Variants in CCDC18 observed in about 807,000 individuals in gnomAD.
CCDC18 encodes the protein coiled-coil domain-containing protein 18.
CCDC18 carries 157 observed loss-of-function variants against 196.0 expected under a neutral mutation model. The ratio of observed to expected loss-of-function variants is 0.80; its 90% confidence interval spans 0.70 to 0.91. CCDC18 has a LOEUF of 0.91. CCDC18 is among the 40% of genes least tolerant of loss of function. The pLI is 0.00. For synonymous variants in CCDC18, 482 were observed against 529.2 expected, an observed-to-expected ratio of 0.91 and a Z score of 1.22; for missense variants, 1,465 against 1,611.6, an observed-to-expected ratio of 0.91 and a Z score of 1.56.
At chr1:93,180,676 C>T (rs745437717), upstream of CCDC18, 1 of 1,335,498 alleles carries the variant, frequency 7.5e-7, no homozygotes, top group Non-Finnish European at 9.9e-7. Context: ...CAGTCTGCGC[C>T]GGGGCGGGGC....
chr1:93,196,951 T>C (rs1466074801), intron 6 of CCDC18, among the ~76,000 whole-genome samples: 1 of 152,186 alleles, frequency 6.6e-6, no homozygotes, highest in East Asian at 1.9e-4. Flanking sequence ...TCATTGACCA[T>C]TGAATAAATT....
intron 16 of CCDC18, among the ~76,000 whole-genome samples, chr1:93,224,928 A>C (rs1658045342): frequency 6.6e-6 from 1 of 152,234 alleles, no homozygotes. Context: ...ATTTTCATAA[A>C]ACAAATGTTA....
intron 21 of CCDC18, among the ~76,000 whole-genome samples, chr1:93,245,669 G>A (rs184429348): frequency 6.6e-6 from 1 of 152,162 alleles, no homozygotes; most frequent in Admixed American, 6.5e-5. Context: ...GCATCGTTTT[G>A]AGTAACATCC....
rs200216394 is a variant in CCDC18 at position 93,246,176 on chromosome 1, A to G, written c.3053A>G (p.Asn1018Ser). The G allele has an allele frequency of 1.3e-4, 213 of 1,605,142 alleles. No individual in the cohort carries two copies. The highest frequency in any genetic ancestry group is 2.0e-4 in the Admixed American group (12 of 58,640). Residue 1018 changes from asparagine to serine, a missense_variant, in exon 22 of 29, where the codon AAT (asparagine) becomes AGT (serine). Asn to Ser is a conservative substitution (Grantham distance 46, BLOSUM62 1). Coordinates refer to ENST00000690025, the MANE Select transcript of CCDC18 (RefSeq NM_001378204.1). ...LEMDQALKER[N>S]WELKQRAAQV... ...ATGGATCAGGCACTTAAAGAGAGAA[A>G]TTGGGAACTAAAGCAAAGAGCAGCT... is the stretch of plus-strand genomic sequence containing the variant.
intron 28 of CCDC18, chr1:93,273,480 G>T (rs1665467327): frequency 6.6e-6 from 1 of 152,230 alleles, no homozygotes; most frequent in South Asian, 2.1e-4. Flanking sequence ...TTACTTTGGA[G>T]AGTAGGAAAG....
In CCDC18 at chr1:93,270,834, T is replaced by G; in HGVS notation, c.4353+20T>G. ...AATCAGGTATGTATTTTATACACTG[T>G]AAACTGTAATAATTTGTTTCCAAAG... On this transcript the variant is annotated intron_variant, in intron 28 of 28. Transcript: ENST00000690025. 7.2e-7 allele frequency: 1 copy of G among 1,395,790 alleles called. No individual in the cohort carries two copies. The highest frequency in any genetic ancestry group is 1.8e-5 in the South Asian group (1 of 55,780). 86.5% of individuals were successfully genotyped at this position (1,395,790 alleles called of 1,614,324 possible).
intron 4 of CCDC18, among the ~76,000 whole-genome samples, chr1:93,186,924 G>A (rs1227592024): frequency 6.6e-6 from 1 of 151,936 alleles, no homozygotes; most frequent in African/African-American, 2.4e-5. Flanking sequence ...AATCCAGACT[G>A]TTTTAAATAG....
chr1:93,237,444 A>G (rs1422440271), intron 19 of CCDC18, among the ~76,000 whole-genome samples: 6 of 152,080 alleles, frequency 3.9e-5, no homozygotes, highest in African/African-American at 1.2e-4. Context: ...TCTTTCTCCA[A>G]CCCCATCCCA....
intron 23 of CCDC18, among the ~76,000 whole-genome samples, chr1:93,248,160 G>A (rs1049885915): frequency 6.6e-6 from 1 of 151,738 alleles, no homozygotes; most frequent in East Asian, 1.9e-4. Flanking sequence ...GATTACAGGT[G>A]CCCACCACCA....
rs189196277 is a variant in CCDC18, at chr1:93,220,282, C to T, written c.1963-1327C>T. 2.2e-4 allele frequency among the ~76,000 whole-genome samples: 33 copies of T among 152,026 alleles called. 1 individual carries two copies. Among genetic ancestry groups the T allele is most frequent in the Admixed American group, 1.9e-3 (29 of 15,278 alleles). On this transcript the variant is annotated intron_variant, in intron 14 of 28. Transcript: ENST00000690025. ...AACTGTCATTCTATTTTATATCCAA[C>T]AAAAATACTCTCTAGGAATGAAGGT...
At chr1:93,271,183 G>A (rs747121489) in intron 28 of CCDC18, 229 of 985,218 alleles carry the variant, frequency 2.3e-4, no homozygotes, top group Non-Finnish European at 2.7e-4. Flanking sequence ...TCATAACTTC[G>A]TCATAATTTA....
At chr1:93,262,394 A>G (rs1474176572) in intron 26 of CCDC18, 1 of 152,250 alleles carries the variant, frequency 6.6e-6, no homozygotes, top group Non-Finnish European at 1.5e-5. Context: ...GTTACTTCCA[A>G]GATACAATGG....
intron 9 of CCDC18, 32 bp downstream of exon 9, chr1:93,207,430 A>C (rs750642033): frequency 1.4e-6 from 2 of 1,472,316 alleles, no homozygotes; most frequent in Admixed American, 2.3e-5. Context: ...ATGGAAAAGA[A>C]GAATTTTACT....
rs765126830 is a variant in CCDC18 at position 93,232,508 on chromosome 1, C to G, written c.2375C>G (p.Thr792Ser). 1 of 1,612,390 alleles carries G rather than the reference C, an allele frequency of 6.2e-7. No homozygotes were observed. Among genetic ancestry groups the G allele is most frequent in the South Asian group, 1.1e-5 (1 of 90,992 alleles). ...TSEQNVILQH[T>S]LQQQQQMLQQ... ...GAGCAAAACGTTATTCTACAGCATA[C>G]TCTTCAGCAACAGCAGCAAATGTTA... is the stretch of plus-strand genomic sequence containing the variant. The change falls in exon 18 of 29, where the codon ACT becomes AGT. Residue 792 changes from threonine (T) to serine (S), a missense_variant. Thr to Ser is a moderately conservative substitution (Grantham distance 58, BLOSUM62 1). Transcript: ENST00000690025.
rs200099633 is a variant in CCDC18 at position 93,207,388 on chromosome 1, C to G, written c.1199C>G (p.Ser400Cys). 1.9e-6 allele frequency: 3 copies of G among 1,587,936 alleles called. No homozygotes were observed. In the Admixed American group the frequency reaches 5.3e-5, roughly 28 times the overall value. The change falls in exon 9 of 29, where the codon TCC becomes TGC. Residue 400 changes from serine (S) to cysteine (C), a missense_variant. By Grantham distance (112) the Ser-to-Cys change is moderately radical. Coordinates refer to ENST00000690025, the MANE Select transcript of CCDC18 (RefSeq NM_001378204.1). The stretch of plus-strand genomic sequence containing the variant: ...CTAAGAAGTTTGGAAAAGATTATAT[C>G]CCAGTTGCCAGTAAGTATGTGTGAT... ...VELRSLEKII[S>C]QLPLKRELFG... is the part of the protein sequence containing the mutation.
intron 21 of CCDC18, among the ~76,000 whole-genome samples, chr1:93,244,709 A>G (rs747377770): frequency 4.6e-5 from 7 of 152,186 alleles, no homozygotes; most frequent in Non-Finnish European, 7.3e-5. Flanking sequence ...TTAAAATGGT[A>G]AATTTTATAT....
chr1:93,184,075 T>C lies in CCDC18; in HGVS notation c.232T>C (p.Tyr78His). ...GCCTAGCCACCCTGGACTTTTGAAT[T>C]ATTCACCTTATGAAAACGTCTGTAA... ...VQPSHPGLLNYSPYENVCKIS... is the reference protein window; with the variant it reads ...VQPSHPGLLNHSPYENVCKIS... Residue 78 changes from tyrosine to histidine, a missense_variant, in exon 3 of 29, where the codon TAT becomes CAT. By Grantham distance (83) the Tyr-to-His change is moderately conservative. Coordinates refer to ENST00000690025, the MANE Select transcript of CCDC18 (RefSeq NM_001378204.1). The C allele has an allele frequency of 6.3e-7, 1 of 1,584,368 alleles. No homozygotes were observed. Among genetic ancestry groups the C allele is most frequent in the Non-Finnish European group, 8.6e-7 (1 of 1,161,704 alleles).
chr1:93,199,839 G>A (rs539371565), intron 6 of CCDC18: 9 of 152,810 alleles, frequency 5.9e-5, no homozygotes, highest in Non-Finnish European at 1.2e-4. Flanking sequence ...GATGTCAATT[G>A]CCACCTTCAC....
chr1:93,212,341 ATTT>A, intron 11 of CCDC18, 80 bp downstream of exon 11: 1 of 919,584 alleles, frequency 1.1e-6, no homozygotes, highest in Non-Finnish European at 1.5e-6. Flanking sequence ...TTTTATTTAA[ATTT>A]TTTTTTTAAT....
Sources: allele counts gnomAD v4.1 joint callset (sites outside exome capture counted in the v4.1 genomes callset), GRCh38; gene constraint gnomAD v4.1.1; transcripts MANE v1.5; gene names NCBI Gene and HGNC (gene_info 2026-07-23, HGNC 2026-07-21).